The following DACH2 variants were observed in gnomAD, a reference collection of about 807,000 sequenced individuals.
DACH2 encodes dachshund homolog 2.
DACH2 carries 17 observed loss-of-function variants against 35.8 expected under a neutral mutation model. The ratio of observed to expected loss-of-function variants is 0.48; its 90% CI spans 0.33 to 0.71. The LOEUF is 0.71. DACH2 is among the 30% of genes least tolerant of loss of function. The pLI is 0.02. For missense variants in DACH2, 469 were observed against 472.7 expected (o/e 0.99, Z 0.07); for synonymous variants, 195 against 177.3 (o/e 1.10, Z -0.79).
At chrX:86,772,282 G>A (rs2041994514) in intron 7 of DACH2, among the ~76,000 whole-genome samples, 2 of 111,676 alleles carry the variant, frequency 1.8e-5, no homozygotes, top group African/African-American at 6.5e-5. Flanking sequence ...GACTGAATTA[G>A]TAGAACAAAT....
At chrX:86,704,754 T>C (rs2041190112) in intron 5 of DACH2, among the ~76,000 whole-genome samples, 1 of 110,390 alleles carries the variant, frequency 9.1e-6, no homozygotes, top group African/African-American at 3.3e-5. Flanking sequence ...ATAATAGATA[T>C]TGGTGTGGAT....
At chrX:86,328,838 T>C (rs745401672) in intron 1 of DACH2, among the ~76,000 whole-genome samples, 4 of 111,784 alleles carry the variant, frequency 3.6e-5, no homozygotes, top group Non-Finnish European at 5.6e-5. Flanking sequence ...GTTGAGTGAA[T>C]AGGTTACCAT....
At chrX:86,280,812 T>A (rs1569327475) in intron 1 of DACH2, among the ~76,000 whole-genome samples, 1 of 111,540 alleles carries the variant, frequency 9.0e-6, no homozygotes, top group Non-Finnish European at 1.9e-5. Context: ...TAGTCTCTGA[T>A]AAAACAGACT....
At position 86,317,244 on chromosome X, in the gene DACH2, T is replaced by C. The variant is rs1351772213; in HGVS notation, c.489-59580T>C. 3.6e-5 allele frequency among the ~76,000 whole-genome samples: 4 copies of C among 111,146 alleles called. No homozygotes were observed. In the South Asian group the frequency reaches 1.5e-3, roughly 42 times the overall value. ...TGATACCTGTGAACCATTTAGATGG[T>C]TTGTGTTGTTGTAAGTGGGTGTATG... On this transcript the variant is annotated intron_variant, in intron 1 of 11. Coordinates refer to ENST00000373125, the MANE Select transcript of DACH2 (RefSeq NM_053281.3).
intron 2 of DACH2, among the ~76,000 whole-genome samples, chrX:86,419,236 AT>A (rs2036760048): frequency 9.0e-6 from 1 of 111,508 alleles, no homozygotes; most frequent in Non-Finnish European, 1.9e-5. Context: ...ATTTTTGGGC[AT>A]TTTTTCAGCA....
At chrX:86,413,522 C>T (rs1394469439) in intron 2 of DACH2, among the ~76,000 whole-genome samples, 1 of 112,004 alleles carries the variant, frequency 8.9e-6, no homozygotes, top group African/African-American at 3.3e-5. Context: ...TCTCCAATAT[C>T]CATTTGTCTT....
chrX:86,694,817 T>C (rs1344790440), intron 4 of DACH2, among the ~76,000 whole-genome samples: 1 of 111,892 alleles, frequency 8.9e-6, no homozygotes, highest in African/African-American at 3.2e-5. Flanking sequence ...TATACTATTA[T>C]TGAGAATGAT....
chrX:86,485,388 G>A (rs1284753242), intron 2 of DACH2, among the ~76,000 whole-genome samples: 2 of 111,333 alleles, frequency 1.8e-5, no homozygotes, highest in African/African-American at 6.5e-5. Context: ...GGCTAAAGGG[G>A]ACTGGAGAAA....
chrX:86,420,677 AT>A (rs1464144185), intron 2 of DACH2, among the ~76,000 whole-genome samples: 1 of 111,644 alleles, frequency 9.0e-6, no homozygotes, highest in South Asian at 3.7e-4. Flanking sequence ...TCTAAAGTAT[AT>A]TGCTTAATGT....
intron 2 of DACH2, among the ~76,000 whole-genome samples, chrX:86,482,503 G>T (rs2037952182): frequency 9.1e-6 from 1 of 110,082 alleles, no homozygotes; most frequent in African/African-American, 3.3e-5. Context: ...ACATACATGT[G>T]CATGTGTCTT....
At chrX:86,566,758 C>T (rs2039298132) in intron 3 of DACH2, among the ~76,000 whole-genome samples, 1 of 111,244 alleles carries the variant, frequency 9.0e-6, no homozygotes, top group Admixed American at 9.6e-5. Context: ...GACCTAATAA[C>T]ATCTTTGTGT....
chrX:86,588,189 C>G (rs777128761), intron 3 of DACH2, among the ~76,000 whole-genome samples: 51 of 110,554 alleles, frequency 4.6e-4, no homozygotes, highest in African/African-American at 1.0e-3. Flanking sequence ...AGGGGTGCAG[C>G]CTTTTTTCTA....
intron 4 of DACH2, among the ~76,000 whole-genome samples, chrX:86,678,640 G>C (rs1362385972): frequency 9.0e-6 from 1 of 111,109 alleles, no homozygotes; most frequent in Non-Finnish European, 1.9e-5. Flanking sequence ...AGTTTCAGGA[G>C]CATATGAACT....
intron 2 of DACH2, among the ~76,000 whole-genome samples, chrX:86,418,372 C>A (rs889133108): frequency 3.6e-5 from 4 of 112,163 alleles, no homozygotes; most frequent in African/African-American, 1.3e-4. Context: ...CCATGAGAAC[C>A]CTTTCCCTGC....
intron 6 of DACH2, among the ~76,000 whole-genome samples, chrX:86,736,233 A>G (rs1427925734): frequency 9.0e-6 from 1 of 111,399 alleles, no homozygotes; most frequent in Non-Finnish European, 1.9e-5. Context: ...CATGGTGAAA[A>G]AAGTCTGACT....
At chrX:86,760,890 T>C (rs1333687079) in intron 7 of DACH2, among the ~76,000 whole-genome samples, 2 of 111,243 alleles carry the variant, frequency 1.8e-5, no homozygotes, top group Non-Finnish European at 3.8e-5. Flanking sequence ...TGGAGGACTT[T>C]TTCCTAAAGA....
At chrX:86,212,707 A>G (rs144448347) in intron 1 of DACH2, among the ~76,000 whole-genome samples, 6,275 of 111,119 alleles carry the variant, frequency 0.056, 432 homozygotes, top group African/African-American at 0.19. Flanking sequence ...TTTTTATATT[A>G]TCTCATTAAC....
At chrX:86,753,352 A>G (rs1252713214) in intron 7 of DACH2, among the ~76,000 whole-genome samples, 1 of 112,108 alleles carries the variant, frequency 8.9e-6, no homozygotes, top group East Asian at 2.8e-4. Flanking sequence ...TGGGAAAAAG[A>G]ATAAAAAAGT....
chrX:86,203,106 A>G (rs1245831341), intron 1 of DACH2, among the ~76,000 whole-genome samples: 4 of 111,518 alleles, frequency 3.6e-5, no homozygotes, highest in African/African-American at 1.3e-4. Flanking sequence ...AAGTGAAAGT[A>G]TAAAGAATTT....
Sources: gnomAD v4.1 joint callset for allele counts (sites outside exome capture counted in the v4.1 genomes callset) on GRCh38, gnomAD v4.1.1 for gene constraint, MANE v1.5 for transcripts, NCBI Gene and HGNC (gene_info 2026-07-23, HGNC 2026-07-21) for gene names.